The following FYN variants were observed in gnomAD, a reference collection of about 807,000 sequenced individuals.
FYN encodes FYN proto-oncogene, Src family tyrosine kinase, also known as tyrosine-protein kinase Fyn.
In FYN, 10 loss-of-function variants were observed where a neutral mutation model predicts 70.2. The ratio of observed to expected loss-of-function variants is 0.14; its 90% confidence interval spans 0.09 to 0.24. FYN has a LOEUF of 0.24. FYN is among the 10% of genes least tolerant of loss of function. The probability of loss-of-function intolerance (pLI) is 1.00; values close to 1 mark genes in which losing one functional copy is unlikely to be tolerated. For synonymous variants in FYN, 236 were observed against 248.6 expected, an observed-to-expected ratio of 0.95 and a Z score of 0.48; for missense variants, 319 against 673.1, an observed-to-expected ratio of 0.47 and a Z score of 5.82.
chr6:111,859,766 ACCC>A (rs1364039462), intron 1 of FYN, among the ~76,000 whole-genome samples: 1 of 152,044 alleles, frequency 6.6e-6, no homozygotes, highest in African/African-American at 2.4e-5. Context: ...AATGGTGCCA[ACCC>A]CCCAACCACA....
rs536980132 is a variant in FYN, at chr6:111,789,859, C to T, written c.-81-9224G>A. On this transcript the variant is annotated intron_variant, in intron 2 of 13. Coordinates refer to ENST00000354650, the MANE Select transcript of FYN (RefSeq NM_002037.5). ...TGGACACGTCTAGCTCTCTTCCAAC[C>T]GGATTACTACTCCCAAGTCCCTCCA... Among the ~76,000 whole-genome samples the T allele has an allele frequency of 5.3e-5, 8 of 152,276 alleles. No homozygotes were observed. The South Asian group carries it at 6.2e-4, about 12-fold the overall frequency.
chr6:111,766,252 G>A (rs72942164), intron 3 of FYN, among the ~76,000 whole-genome samples: 1,706 of 152,272 alleles, frequency 0.011, 21 homozygotes, highest in South Asian at 0.039. Flanking sequence ...CAGCAATGGA[G>A]CTCAGATGCA....
Position 111,706,999 on chromosome 6 carries a change from A to G in FYN, c.443+923T>C, listed in dbSNP as rs139259643. On this transcript the variant is annotated intron_variant, in intron 6 of 13. Transcript: ENST00000354650. ...AAGGAATTAAAGAATAGAACAATCCAACTGGGGATTTGGCTAGGGTGTGGA... is the reference window on the plus strand; with the variant it reads ...AAGGAATTAAAGAATAGAACAATCCGACTGGGGATTTGGCTAGGGTGTGGA... 1.8e-4 allele frequency among the ~76,000 whole-genome samples: 27 copies of G among 152,328 alleles called. No individual in the cohort carries two copies. In the East Asian group the frequency reaches 5.2e-3, roughly 29 times the overall value.
chr6:111,802,298 G>A, intron 2 of FYN, among the ~76,000 whole-genome samples: 1 of 151,882 alleles, frequency 6.6e-6, no homozygotes, highest in Non-Finnish European at 1.5e-5. Flanking sequence ...GTTCCCCCAT[G>A]CCTTCTGCCA....
intron 3 of FYN, among the ~76,000 whole-genome samples, chr6:111,748,710 G>C (rs984331596): frequency 1.3e-5 from 2 of 152,060 alleles, no homozygotes; most frequent in Admixed American, 1.3e-4. Context: ...CATGAAAAAA[G>C]AATGTAAAAT....
chr6:111,702,870 T>A lies in FYN; in HGVS notation c.697+15A>T, dbSNP rs368062473. ...AGCATCCAAATGGTTAGTAGGTAGT[T>A]AGAATTAAGGTTACCTGAGTAATGT... On this transcript the variant is annotated intron_variant, in intron 8 of 13. Transcript: ENST00000354650. 2.5e-5 allele frequency: 40 copies of A among 1,612,198 alleles called. No homozygotes were observed. The highest frequency in any genetic ancestry group is 3.4e-5 in the Non-Finnish European group (40 of 1,179,000).
At chr6:111,815,490 A>G (rs748211878) in intron 2 of FYN, among the ~76,000 whole-genome samples, 3 of 152,180 alleles carry the variant, frequency 2.0e-5, no homozygotes, top group Admixed American at 6.5e-5. Context: ...AAACCAGCAT[A>G]AAAAAAATCT....
chr6:111,679,688 A>G (rs1453847693), intron 12 of FYN, among the ~76,000 whole-genome samples: 1 of 152,122 alleles, frequency 6.6e-6, no homozygotes, highest in Non-Finnish European at 1.5e-5. Flanking sequence ...TCCTTTTAAG[A>G]GTCTAAGAAT....
intron 1 of FYN, among the ~76,000 whole-genome samples, chr6:111,850,540 T>C (rs1427839458): frequency 6.6e-6 from 1 of 152,218 alleles, no homozygotes; most frequent in African/African-American, 2.4e-5. Context: ...ATATCGAGCG[T>C]GTCCACAGGG....
In FYN at chr6:111,667,373, C is replaced by T. The variant is rs551381514; in HGVS notation, c.1406-5426G>A. On this transcript the variant is annotated intron_variant, in intron 13 of 13. Coordinates refer to ENST00000354650, the MANE Select transcript of FYN (RefSeq NM_002037.5). ...CCTCACACTTCAGTCTCCCAAGCAG[C>T]TAGGACTATAGGTATGCACCACCAT... Among the ~76,000 whole-genome samples, 4 of 152,204 alleles carry T rather than the reference C, an allele frequency of 2.6e-5. No individual in the cohort carries two copies. In the South Asian group the frequency reaches 8.3e-4, roughly 32 times the overall value.
intron 12 of FYN, among the ~76,000 whole-genome samples, chr6:111,693,917 T>G (rs1799461471): frequency 6.6e-6 from 1 of 152,160 alleles, no homozygotes; most frequent in Admixed American, 6.5e-5. Flanking sequence ...TGCCCACTTC[T>G]CTGCCCCCTT....
At chr6:111,677,093 G>A (rs541236879) in intron 12 of FYN, among the ~76,000 whole-genome samples, 1 of 152,210 alleles carries the variant, frequency 6.6e-6, no homozygotes, top group Non-Finnish European at 1.5e-5. Flanking sequence ...ACTACTAGTC[G>A]GAACTTACTT....
intron 3 of FYN, among the ~76,000 whole-genome samples, chr6:111,726,713 T>C (rs1035271552): frequency 1.3e-5 from 2 of 152,186 alleles, no homozygotes; most frequent in African/African-American, 2.4e-5. Context: ...CATTATGATA[T>C]GGTTTGGTTG....
intron 3 of FYN, among the ~76,000 whole-genome samples, chr6:111,736,726 A>G (rs538360875): frequency 6.6e-6 from 1 of 152,338 alleles, no homozygotes; most frequent in South Asian, 2.1e-4. Context: ...ACCAGCCTAC[A>G]CATTCTGAGT....
At chr6:111,788,265 G>A (rs952378746) in intron 2 of FYN, among the ~76,000 whole-genome samples, 2 of 152,148 alleles carry the variant, frequency 1.3e-5, no homozygotes, top group South Asian at 2.1e-4. Context: ...ATGTATCTTC[G>A]AACCATTGGC....
chr6:111,676,433 C>A (rs537580883), intron 12 of FYN: 10 of 152,248 alleles, frequency 6.6e-5, no homozygotes, highest in African/African-American at 2.4e-4. Flanking sequence ...TAGATGATTC[C>A]ACATAAGACC....
chr6:111,740,108 C>A (rs922637490), intron 3 of FYN, among the ~76,000 whole-genome samples: 5 of 152,006 alleles, frequency 3.3e-5, no homozygotes, highest in African/African-American at 1.2e-4. Context: ...TCACTTTGGC[C>A]CCTATCTAGT....
intron 3 of FYN, among the ~76,000 whole-genome samples, chr6:111,726,254 G>A (rs1801189552): frequency 6.6e-6 from 1 of 152,244 alleles, no homozygotes; most frequent in Non-Finnish European, 1.5e-5. Flanking sequence ...AAGCTACTAA[G>A]TTTGTAGTAC....
intron 3 of FYN, among the ~76,000 whole-genome samples, chr6:111,760,620 G>A (rs576110303): frequency 3.3e-5 from 5 of 152,310 alleles, no homozygotes; most frequent in South Asian, 4.1e-4. Context: ...ATGCTGCAGC[G>A]CGCTCCTCAC....
Sources: allele counts gnomAD v4.1 joint callset (sites outside exome capture counted in the v4.1 genomes callset), GRCh38; gene constraint gnomAD v4.1.1; transcripts MANE v1.5; gene names NCBI Gene and HGNC (gene_info 2026-07-23, HGNC 2026-07-21).